The following SLC7A2 variants were observed in gnomAD, a reference collection of about 807,000 sequenced individuals.
SLC7A2 encodes solute carrier family 7 member 2.
In SLC7A2, 48 loss-of-function variants were observed where a neutral mutation model predicts 58.9. That is an observed-to-expected ratio of 0.82 (90% CI 0.65 to 1.04). The LOEUF is 1.04. Among genes scored for constraint, SLC7A2 ranks in the 50% least tolerant of loss-of-function variants. SLC7A2 has a pLI of 0.00. For missense variants in SLC7A2, 1,029 were observed against 818.8 expected, an observed-to-expected ratio of 1.26 and a Z score of -3.13; for synonymous variants, 363 against 314.5, an observed-to-expected ratio of 1.15 and a Z score of -1.63.
chr8:17,515,572 C>G (rs113659279), intron 2 of SLC7A2, among the ~76,000 whole-genome samples: 3 of 152,078 alleles, frequency 2.0e-5, no homozygotes, highest in African/African-American at 7.2e-5. Flanking sequence ...GGATTACAGG[C>G]GTGAGCCACT....
At chr8:17,496,679 T>G (rs2150627462), upstream of SLC7A2, among the ~76,000 whole-genome samples, 1 of 152,320 alleles carries the variant, frequency 6.6e-6, no homozygotes, top group Admixed American at 6.5e-5. Flanking sequence ...TTGCTATTAT[T>G]ATATTTTATT....
chr8:17,516,850 G>A (rs1173651196), intron 2 of SLC7A2, among the ~76,000 whole-genome samples: 2 of 152,172 alleles, frequency 1.3e-5, no homozygotes, highest in African/African-American at 4.8e-5. Context: ...TTGAGTATCT[G>A]CCATGTGCCA....
chr8:17,561,837 G>A, intron 10 of SLC7A2, 107 bp from the exon 11 acceptor site: 1 of 1,007,380 alleles, frequency 9.9e-7, no homozygotes, highest in Non-Finnish European at 1.5e-6. Flanking sequence ...ATTTAGCCAA[G>A]TAGATGTGTA....
Position 17,567,433 on chromosome 8 carries a change from A to G in SLC7A2, c.*2287A>G, listed in dbSNP as rs971808479. The G allele has an allele frequency of 2.0e-5, 3 of 152,672 alleles. No homozygotes were observed. Among genetic ancestry groups the G allele is most frequent in the Non-Finnish European group, 2.9e-5 (2 of 68,040 alleles). 9.5% of individuals were successfully genotyped at this position (152,672 alleles called of 1,614,324 possible). ...ATTTAGTGAAAAATTATTTTTCCAC[A>G]TTGAAACACTTTGCAGACACAAATA... On this transcript the variant is annotated 3_prime_UTR_variant, in exon 13 of 13. Transcript: ENST00000494857.
chr8:17,504,768 C>T (rs923666100), intron 2 of SLC7A2, among the ~76,000 whole-genome samples: 1 of 152,196 alleles, frequency 6.6e-6, no homozygotes, highest in Non-Finnish European at 1.5e-5. Context: ...TTTACTGCAA[C>T]TCTTAAAAGA....
intron 8 of SLC7A2, among the ~76,000 whole-genome samples, chr8:17,556,178 G>A (rs1313198783): frequency 6.6e-6 from 1 of 152,160 alleles, no homozygotes; most frequent in African/African-American, 2.4e-5. Flanking sequence ...GGTTTGCCCA[G>A]ATGATGTGAA....
At chr8:17,519,560 C>T (rs1800933752) in intron 2 of SLC7A2, among the ~76,000 whole-genome samples, 1 of 152,188 alleles carries the variant, frequency 6.6e-6, no homozygotes, top group Admixed American at 6.5e-5. Flanking sequence ...GGTCAGCCTT[C>T]ACTGAGGCTG....
intron 10 of SLC7A2, among the ~76,000 whole-genome samples, chr8:17,561,180 G>A (rs1802963363): frequency 6.6e-6 from 1 of 152,128 alleles, no homozygotes; most frequent in Non-Finnish European, 1.5e-5. Context: ...TATTATTTTT[G>A]CACATTAGCA....
intron 2 of SLC7A2, among the ~76,000 whole-genome samples, chr8:17,510,462 G>A (rs1458455135): frequency 3.9e-5 from 6 of 152,222 alleles, no homozygotes; most frequent in African/African-American, 1.2e-4. Context: ...GTGTAAAAGC[G>A]TTCCTATTTC....
intron 4 of SLC7A2, among the ~76,000 whole-genome samples, chr8:17,544,957 T>A (rs1386779561): frequency 2.6e-5 from 4 of 152,340 alleles, no homozygotes; most frequent in Non-Finnish European, 5.9e-5. Context: ...TTCATCTTGC[T>A]AGATACAACT....
At position 17,548,661 on chromosome 8, in the gene SLC7A2, A is replaced by G. The variant is rs1430922004; in HGVS notation, c.533-17A>G. 14 of 1,579,618 alleles carry G rather than the reference A, an allele frequency of 8.9e-6. No individual in the cohort carries two copies. The African/African-American group carries it at 1.2e-4, about 14-fold the overall frequency. On this transcript the variant is annotated splice_polypyrimidine_tract_variant and intron_variant, in intron 4 of 12. Transcript: ENST00000494857. The stretch of plus-strand genomic sequence containing the variant: ...TTCCTAAAGCTAAATAAAAATTGAA[A>G]TGCCCTTTTTCCATAGGTCTTTTGT...
chr8:17,558,503 A>G, intron 9 of SLC7A2, 106 bp downstream of exon 9: 1 of 637,206 alleles, frequency 1.6e-6, no homozygotes, highest in Non-Finnish European at 2.8e-6. Context: ...CAGTCTCACC[A>G]AGGTGAGAGG....
At chr8:17,539,341 GC>G (rs1801811710) in intron 2 of SLC7A2, among the ~76,000 whole-genome samples, 1 of 152,108 alleles carries the variant, frequency 6.6e-6, no homozygotes, top group South Asian at 2.1e-4. Flanking sequence ...TGGGCGTGGG[GC>G]TAAGAAAGAT....
intron 3 of SLC7A2, 105 bp downstream of exon 3, chr8:17,543,820 C>G (rs1243531363): frequency 2.0e-6 from 2 of 982,196 alleles, no homozygotes; most frequent in Non-Finnish European, 2.9e-6. Context: ...CACTTGATGT[C>G]TGTGTGTCTC....
intron 1 of SLC7A2, among the ~76,000 whole-genome samples, chr8:17,497,479 GC>G (rs1483419591): frequency 6.6e-6 from 1 of 152,192 alleles, no homozygotes; most frequent in Non-Finnish European, 1.5e-5. Flanking sequence ...CGTCCTCGGG[GC>G]TGCGCCCCGG....
At chr8:17,503,616 G>C (rs531121288) in intron 2 of SLC7A2, among the ~76,000 whole-genome samples, 1 of 150,754 alleles carries the variant, frequency 6.6e-6, no homozygotes, top group African/African-American at 2.5e-5. Context: ...CATACGCGGC[G>C]CTCATAGTTC....
chr8:17,525,038 C>G (rs529445118), intron 2 of SLC7A2, among the ~76,000 whole-genome samples: 1 of 152,138 alleles, frequency 6.6e-6, no homozygotes, highest in Non-Finnish European at 1.5e-5. Flanking sequence ...TAACACAGAA[C>G]CATTTTTCCA....
At position 17,531,582 on chromosome 8, in the gene SLC7A2, A is replaced by C. The variant is rs947072944; in HGVS notation, c.-22-11736A>C. ...AAAATTCCTATTGATCAATGATTCC[A>C]AAATAGTTTTTATATTTATGAGATG... On this transcript the variant is annotated intron_variant, in intron 2 of 12. Transcript: ENST00000494857. Among the ~76,000 whole-genome samples the C allele has an allele frequency of 4.6e-5, 7 of 152,138 alleles. No homozygotes were observed. In the East Asian group the frequency reaches 1.4e-3, roughly 29 times the overall value.
At chr8:17,516,796 C>G (rs1179800560) in intron 2 of SLC7A2, among the ~76,000 whole-genome samples, 2 of 152,204 alleles carry the variant, frequency 1.3e-5, no homozygotes, top group Admixed American at 6.5e-5. Flanking sequence ...TTTAAGCATT[C>G]AAGAAAAACA....
Sources: allele counts gnomAD v4.1 joint callset (sites outside exome capture counted in the v4.1 genomes callset), GRCh38; gene constraint gnomAD v4.1.1; transcripts MANE v1.5; gene names NCBI Gene and HGNC (gene_info 2026-07-23, HGNC 2026-07-21).